The following TEX2 variants were observed in gnomAD, a reference collection of about 807,000 sequenced individuals.
TEX2 encodes testis expressed 2.
A neutral mutation model predicts 106.9 loss-of-function variants in TEX2; 53 were observed. The ratio of observed to expected loss-of-function variants is 0.50; its 90% confidence interval spans 0.40 to 0.62. TEX2 has a LOEUF of 0.62. Among genes scored for constraint, TEX2 ranks in the 20% least tolerant of loss-of-function variants. The pLI, the probability that TEX2 is intolerant of heterozygous loss-of-function variation, is 0.00. For missense variants in TEX2, 1,207 were observed against 1,379.0 expected (o/e 0.88, Z 1.98); for synonymous variants, 523 against 534.8 (o/e 0.98, Z 0.30).
At chr17:64,162,689 T>TG (rs1428125278) in intron 7 of TEX2, among the ~76,000 whole-genome samples, 1 of 152,180 alleles carries the variant, frequency 6.6e-6, no homozygotes, top group African/African-American at 2.4e-5. Flanking sequence ...TGCCAGGAGC[T>TG]GGGAGGTGGA....
In TEX2 at chr17:64,233,719, G is replaced by C. The variant is rs1327274635; in HGVS notation, c.-25-19477C>G. ...CTACACCTACCTTGCAAGGCACCATGTTAGAGGCAAGTGCTTTCTAACAGG... is the reference window on the plus strand; with the variant it reads ...CTACACCTACCTTGCAAGGCACCATCTTAGAGGCAAGTGCTTTCTAACAGG... On this transcript the variant is annotated intron_variant, in intron 1 of 11. Coordinates refer to ENST00000584379, the MANE Select transcript of TEX2 (RefSeq NM_001288732.2). Among the ~76,000 whole-genome samples the C allele has an allele frequency of 2.6e-5, 4 of 152,236 alleles. No individual in the cohort carries two copies. In the East Asian group the frequency reaches 7.7e-4, roughly 29 times the overall value.
Position 64,214,070 on chromosome 17 carries a change from C to T in TEX2, c.148G>A (p.Glu50Lys). 1 of 1,614,188 alleles carries T rather than the reference C, an allele frequency of 6.2e-7. No individual in the cohort carries two copies. The change falls in exon 2 of 12, where the codon GAG (glutamate) becomes AAG (lysine). Residue 50 changes from glutamate (E) to lysine (K), a missense_variant. Physicochemically the swap from Glu to Lys is moderately conservative, Grantham distance 56 (BLOSUM62 1). Coordinates refer to ENST00000584379, the MANE Select transcript of TEX2 (RefSeq NM_001288732.2). ...ASGEEEEEEE[E>K]EFREYFEEGL... ...TCCTCAAAGTACTCCCTGAACTCCTCCTCCTCTTCCTCCTCCTCCTCGCCG... is the reference window on the plus strand; with the variant it reads ...TCCTCAAAGTACTCCCTGAACTCCTTCTCCTCTTCCTCCTCCTCCTCGCCG...
intron 7 of TEX2, among the ~76,000 whole-genome samples, chr17:64,161,300 C>A (rs1383775238): frequency 6.6e-6 from 1 of 152,192 alleles, no homozygotes; most frequent in Non-Finnish European, 1.5e-5. Flanking sequence ...AAAGCCAGGA[C>A]AAGGCATGCT....
chr17:64,180,979 T>G (rs1034829288), intron 5 of TEX2, among the ~76,000 whole-genome samples: 4 of 152,152 alleles, frequency 2.6e-5, no homozygotes, highest in African/African-American at 9.7e-5. Flanking sequence ...GACAGTGTGG[T>G]CCAGGAGATG....
At chr17:64,245,142 C>T (rs186932645) in intron 1 of TEX2, among the ~76,000 whole-genome samples, 4 of 152,208 alleles carry the variant, frequency 2.6e-5, no homozygotes, top group African/African-American at 9.6e-5. Context: ...GGAAAATAAT[C>T]AGTTTTATAA....
chr17:64,190,765 C>A (rs2032266333), intron 4 of TEX2, among the ~76,000 whole-genome samples: 1 of 152,190 alleles, frequency 6.6e-6, no homozygotes, highest in South Asian at 2.1e-4. Flanking sequence ...GCTGGAAATG[C>A]AGAATCTCAG....
Position 64,213,368 on chromosome 17 carries a change from C to A in TEX2, c.850G>T (p.Glu284Ter). 6.2e-7 allele frequency: 1 copy of A among 1,613,962 alleles called. No individual in the cohort carries two copies. The highest frequency in any genetic ancestry group is 8.5e-7 in the Non-Finnish European group (1 of 1,180,036). Reference sequence around the variant, plus strand: ...CGTTTAGTATCTTCAATTTTAGCCTCCATTTCGGGCACTTTAAAAAAGGAA... The same window carrying A: ...CGTTTAGTATCTTCAATTTTAGCCTACATTTCGGGCACTTTAAAAAAGGAA... ...TRSFFKVPEMEAKIEDTKRRL... is the reference protein window; with the variant it reads ...TRSFFKVPEM Residue 284 changes from glutamate to a stop codon, truncating the protein, a stop_gained, in exon 2 of 12, where the codon GAG (glutamate) becomes TAG (stop). Transcript: ENST00000584379. LOFTEE classifies it high-confidence loss of function. This position sits in a 1 kb window ranked among gnomAD's most constrained non-coding sequence, Gnocchi z 4.4.
intron 1 of TEX2, among the ~76,000 whole-genome samples, chr17:64,250,487 T>A (rs940424407): frequency 6.6e-6 from 1 of 152,164 alleles, no homozygotes. Context: ...TGCTCTCAGA[T>A]GTAAAATTAT....
At chr17:64,173,269 CT>C (rs1228934910) in intron 6 of TEX2, among the ~76,000 whole-genome samples, 12 of 151,208 alleles carry the variant, frequency 7.9e-5, no homozygotes, top group East Asian at 3.9e-4. Context: ...AGTCCCTCTC[CT>C]TTTTTTTTCT....
At chr17:64,225,350 G>A (rs1264976742) in intron 1 of TEX2, among the ~76,000 whole-genome samples, 1 of 152,142 alleles carries the variant, frequency 6.6e-6, no homozygotes, top group African/African-American at 2.4e-5. Flanking sequence ...AGGGCATTGA[G>A]ATGGGAACAA....
intron 10 of TEX2, 97 bp from the exon 11 acceptor site, chr17:64,151,058 C>G (rs891760045): frequency 2.2e-6 from 3 of 1,347,864 alleles, no homozygotes; most frequent in Admixed American, 2.2e-5. Flanking sequence ...GGCTTTATCA[C>G]TACTTAAAAT....
At chr17:64,228,303 G>A (rs190810018) in intron 1 of TEX2, among the ~76,000 whole-genome samples, 8 of 152,212 alleles carry the variant, frequency 5.3e-5, no homozygotes, top group East Asian at 3.9e-4. Flanking sequence ...GTATGGTTTC[G>A]GGATGATTCA....
chr17:64,255,655 A>G (rs1232903652), intron 1 of TEX2: 4 of 152,202 alleles, frequency 2.6e-5, no homozygotes, highest in African/African-American at 7.2e-5. Flanking sequence ...CAAGATAACT[A>G]TAACTTAAAT....
rs781989488 is a variant in TEX2 at position 64,214,032 on chromosome 17, G to A, written c.186C>T (p.Asp62=). 10 of 1,614,158 alleles carry A rather than the reference G, an allele frequency of 6.2e-6. No homozygotes were observed. The highest frequency in any genetic ancestry group is 7.6e-6 in the Non-Finnish European group (9 of 1,180,026). The part of the protein sequence containing the change: ...FREYFEEGLD[D]QSIVTGLEAK... ...CTTCCAGCCCTGTTACAATGCTTTG[G>A]TCATCCAGCCCCTCCTCAAAGTACT... The change falls in exon 2 of 12, where the codon GAC becomes GAT. Residue 62 remains aspartate (D), a synonymous_variant. Transcript: ENST00000584379.
At chr17:64,201,846 G>A (rs1220026032) in intron 2 of TEX2, among the ~76,000 whole-genome samples, 2 of 152,196 alleles carry the variant, frequency 1.3e-5, no homozygotes, top group Non-Finnish European at 2.9e-5. Flanking sequence ...AACCACAACT[G>A]TAACAAATGT....
chr17:64,243,169 C>T (rs568293931), intron 1 of TEX2, among the ~76,000 whole-genome samples: 16 of 152,106 alleles, frequency 1.1e-4, no homozygotes, highest in Non-Finnish European at 2.4e-4. Context: ...CCTCGTGATC[C>T]GCCTGCCTCG....
chr17:64,228,897 C>A (rs1258887029), intron 1 of TEX2, among the ~76,000 whole-genome samples: 1 of 150,608 alleles, frequency 6.6e-6, no homozygotes, highest in Non-Finnish European at 1.5e-5. Context: ...TCTTGGACCA[C>A]CTCCTATGGC....
At chr17:64,178,560 G>A (rs2031706868) in intron 5 of TEX2, among the ~76,000 whole-genome samples, 2 of 152,170 alleles carry the variant, frequency 1.3e-5, no homozygotes, top group African/African-American at 4.8e-5. Flanking sequence ...GTGTGTGGCG[G>A]TGGGGGTGGG....
rs2032581321 is a variant in TEX2, at chr17:64,199,314, G to A, written c.1645-4219C>T. 2.6e-5 allele frequency among the ~76,000 whole-genome samples: 4 copies of A among 152,292 alleles called. No individual in the cohort carries two copies. In the East Asian group the frequency reaches 7.7e-4, roughly 29 times the overall value. The stretch of plus-strand genomic sequence containing the variant: ...TGCAGTGGCGTTACCTTGGCTCACT[G>A]CAACCTGCACCTCCTGGGTTCAAGC... On this transcript the variant is annotated intron_variant, in intron 2 of 11. Coordinates refer to ENST00000584379, the MANE Select transcript of TEX2 (RefSeq NM_001288732.2).
Sources: gnomAD v4.1 joint callset for allele counts (sites outside exome capture counted in the v4.1 genomes callset) on GRCh38, gnomAD v4.1.1 for gene constraint, Gnocchi (gnomAD v3.1) non-coding constraint, MANE v1.5 for transcripts, NCBI Gene and HGNC (gene_info 2026-07-23, HGNC 2026-07-21) for gene names.